The following CERS6 variants were observed in gnomAD, a reference collection of about 807,000 sequenced individuals.
CERS6 encodes the protein LAG1 homolog, ceramide synthase 6.
Under a neutral mutation model 56.8 loss-of-function variants are expected in CERS6, and 26 were observed. The observed-to-expected ratio is 0.46, with a 90% confidence interval of 0.34 to 0.63. CERS6 has a LOEUF of 0.63. Ranked by LOEUF, CERS6 falls within the 30% of genes least tolerant of loss-of-function variation. The pLI, the probability that CERS6 is intolerant of heterozygous loss-of-function variation, is 0.01. For missense variants in CERS6, 415 were observed against 467.5 expected (o/e 0.89, Z 1.04); for synonymous variants, 164 against 173.3 (o/e 0.95, Z 0.42).
At position 168,617,295 on chromosome 2, in the gene CERS6, C is replaced by T. The variant is rs183734824; in HGVS notation, c.408-13690C>T. ...ATCAAAAAGTCTGAAAGAGCACACACGGACATTCTGAGATCACACTTCAAG... is the reference window on the plus strand; with the variant it reads ...ATCAAAAAGTCTGAAAGAGCACACATGGACATTCTGAGATCACACTTCAAG... On this transcript the variant is annotated intron_variant, in intron 3 of 9. Coordinates refer to ENST00000305747, the MANE Select transcript of CERS6 (RefSeq NM_203463.3). Among the ~76,000 whole-genome samples, 2 of 152,040 alleles carry T rather than the reference C, an allele frequency of 1.3e-5. 1 individual carries two copies. Among genetic ancestry groups the T allele is most frequent in the East Asian group, 3.9e-4 (2 of 5,168 alleles).
intron 1 of CERS6, among the ~76,000 whole-genome samples, chr2:168,498,292 T>C (rs1694511187): frequency 6.6e-6 from 1 of 152,196 alleles, no homozygotes; most frequent in Non-Finnish European, 1.5e-5. Flanking sequence ...TTTATTCTCT[T>C]TCTCCTGAAT....
At position 168,484,167 on chromosome 2, in the gene CERS6, G is replaced by GTTTTT. The variant is rs34492119; in HGVS notation, c.170+27576_170+27580dup. ...TTTTCTTTTTCTTTTTCTTTTTTCTGTTTTTTTTTTTTTTTTTTTTTTTTT... is the reference window on the plus strand; with the variant it reads ...TTTTCTTTTTCTTTTTCTTTTTTCTGTTTTTTTTTTTTTTTTTTTTTTTTTTTTTT... On this transcript the variant is annotated intron_variant, in intron 1 of 9. Coordinates refer to ENST00000305747, the MANE Select transcript of CERS6 (RefSeq NM_203463.3). Among the ~76,000 whole-genome samples, 115 of 51,622 alleles carry GTTTTT rather than the reference G, an allele frequency of 2.2e-3. 3 individuals carry two copies. The highest frequency in any genetic ancestry group is 0.018 in the Middle Eastern group (1 of 56). 33.9% of individuals were successfully genotyped at this position (51,622 alleles called of 152,430 possible).
chr2:168,510,427 G>A (rs1164988668), intron 1 of CERS6, among the ~76,000 whole-genome samples: 4 of 152,146 alleles, frequency 2.6e-5, no homozygotes, highest in African/African-American at 9.7e-5. Context: ...AGATACCATT[G>A]TGTTGTACGG....
At chr2:168,691,008 A>G in intron 4 of CERS6, 26 bp from the exon 5 acceptor site, 3 of 1,599,382 alleles carry the variant, frequency 1.9e-6, no homozygotes, top group Non-Finnish European at 2.6e-6. Context: ...TAAAATATGT[A>G]AAATATTTTT....
intron 2 of CERS6, among the ~76,000 whole-genome samples, chr2:168,556,476 A>G (rs1405508451): frequency 6.6e-6 from 1 of 152,316 alleles, no homozygotes; most frequent in Non-Finnish European, 1.5e-5. Flanking sequence ...ATGTATTTGT[A>G]TCATAGTCCC....
At chr2:168,485,633 T>C (rs1199882104) in intron 1 of CERS6, among the ~76,000 whole-genome samples, 9 of 152,196 alleles carry the variant, frequency 5.9e-5, no homozygotes, top group Non-Finnish European at 1.5e-5. Flanking sequence ...TCTTTCACTT[T>C]AGCAATATGC....
At position 168,477,173 on chromosome 2, in the gene CERS6, CAGAGAGAGAGAGAG is replaced by C. The variant is rs10609883; in HGVS notation, c.170+20588_170+20601del. 6.5e-3 allele frequency among the ~76,000 whole-genome samples: 748 copies of C among 115,528 alleles called. 5 individuals are homozygous for C. Among genetic ancestry groups the C allele is most frequent in the South Asian group, 0.026 (78 of 3,054 alleles). 75.8% of individuals were successfully genotyped at this position (115,528 alleles called of 152,430 possible). On this transcript the variant is annotated intron_variant, in intron 1 of 9. Coordinates refer to ENST00000305747, the MANE Select transcript of CERS6 (RefSeq NM_203463.3). ...AGGGAGGAAAGGAATGAGGGAGAGA[CAGAGAGAGAGAGAG>C]AGAGAGAGAGAGAGAGAGAGAGAGA...
chr2:168,458,565 T>C (rs1226299772), intron 1 of CERS6, among the ~76,000 whole-genome samples: 3 of 152,176 alleles, frequency 2.0e-5, no homozygotes, highest in Non-Finnish European at 4.4e-5. Context: ...CATAGAGGGG[T>C]GAGCTGCTTT....
chr2:168,461,617 T>A (rs1693782624), intron 1 of CERS6, among the ~76,000 whole-genome samples: 1 of 152,114 alleles, frequency 6.6e-6, no homozygotes, highest in African/African-American at 2.4e-5. Flanking sequence ...AAATAAAAAG[T>A]TTTGAATTTA....
intron 1 of CERS6, among the ~76,000 whole-genome samples, chr2:168,535,997 A>G (rs1002838896): frequency 1.3e-5 from 2 of 152,056 alleles, no homozygotes; most frequent in African/African-American, 4.8e-5. Flanking sequence ...ATCATCAAAA[A>G]TCTTTAAAAA....
chr2:168,709,171 A>T (rs1412966832), intron 6 of CERS6, among the ~76,000 whole-genome samples: 2 of 152,094 alleles, frequency 1.3e-5, no homozygotes, highest in Non-Finnish European at 2.9e-5. Flanking sequence ...GCTGATTTTC[A>T]TTCTAACAGT....
At chr2:168,469,545 T>G (rs1326075938) in intron 1 of CERS6, among the ~76,000 whole-genome samples, 2 of 152,114 alleles carry the variant, frequency 1.3e-5, no homozygotes. Flanking sequence ...GATTCAGAGA[T>G]CTACAAGTCC....
chr2:168,628,320 T>G (rs1684637197), intron 3 of CERS6, among the ~76,000 whole-genome samples: 1 of 152,170 alleles, frequency 6.6e-6, no homozygotes, highest in Non-Finnish European at 1.5e-5. Flanking sequence ...CCACTCTCTC[T>G]CCTCCTGTTT....
intron 6 of CERS6, among the ~76,000 whole-genome samples, chr2:168,705,527 G>A (rs1686916220): frequency 6.6e-6 from 1 of 152,128 alleles, no homozygotes; most frequent in Non-Finnish European, 1.5e-5. Context: ...AGAATGTGGA[G>A]GATAAGGCTG....
At chr2:168,567,075 T>G (rs574065301) in intron 3 of CERS6, among the ~76,000 whole-genome samples, 1 of 152,344 alleles carries the variant, frequency 6.6e-6, no homozygotes, top group South Asian at 2.1e-4. Context: ...ATGCTGATTA[T>G]AAGTCTGGGG....
intron 4 of CERS6, among the ~76,000 whole-genome samples, chr2:168,656,897 C>T (rs959010308): frequency 6.6e-6 from 1 of 152,090 alleles, no homozygotes; most frequent in Non-Finnish European, 1.5e-5. Context: ...GGTTCTCCAC[C>T]TCCCCATCAG....
intron 3 of CERS6, among the ~76,000 whole-genome samples, chr2:168,608,078 A>G (rs567411519): frequency 9.2e-5 from 14 of 152,282 alleles, no homozygotes; most frequent in Non-Finnish European, 1.3e-4. Context: ...GGCAACCACC[A>G]CTAATCTATT....
At chr2:168,508,558 A>G (rs1401782309) in intron 1 of CERS6, among the ~76,000 whole-genome samples, 3 of 152,120 alleles carry the variant, frequency 2.0e-5, no homozygotes, top group African/African-American at 4.8e-5. Flanking sequence ...CATGTCCTCT[A>G]TAGGGACATG....
intron 3 of CERS6, among the ~76,000 whole-genome samples, chr2:168,596,333 C>CG (rs1252183411): frequency 7.4e-6 from 1 of 134,342 alleles, no homozygotes; most frequent in African/African-American, 2.8e-5. Context: ...TGTGTGTGGG[C>CG]GGGGGATTGG....
Sources: gnomAD v4.1 joint callset for allele counts (sites outside exome capture counted in the v4.1 genomes callset) on GRCh38, gnomAD v4.1.1 for gene constraint, MANE v1.5 for transcripts, NCBI Gene and HGNC (gene_info 2026-07-23, HGNC 2026-07-21) for gene names.